NFXL1: variants seen among roughly 807,000 people sequenced by gnomAD.
NFXL1 encodes the protein NF-X1-type zinc finger protein NFXL1.
NFXL1 carries 66 observed loss-of-function variants against 123.3 expected under a neutral mutation model. That is an observed-to-expected ratio of 0.54 (90% confidence interval 0.44 to 0.66). The LOEUF (loss-of-function observed/expected upper bound fraction) is 0.66. NFXL1 is among the 30% of genes least tolerant of loss of function. The pLI, the probability that NFXL1 is intolerant of heterozygous loss-of-function variation, is 0.00. For missense variants in NFXL1, 944 were observed against 1,125.6 expected (o/e 0.84, Z 2.31); for synonymous variants, 346 against 360.8 (o/e 0.96, Z 0.46).
intron 12 of NFXL1, among the ~76,000 whole-genome samples, chr4:47,889,594 C>T (rs1168446214): frequency 6.6e-6 from 1 of 152,136 alleles, no homozygotes; most frequent in Non-Finnish European, 1.5e-5. Context: ...GTAGTTTGTT[C>T]TAGGTATTAA....
At chr4:47,852,634 T>G (rs1734187557) in intron 20 of NFXL1, among the ~76,000 whole-genome samples, 1 of 152,092 alleles carries the variant, frequency 6.6e-6, no homozygotes, top group African/African-American at 2.4e-5. Context: ...AACACTGATC[T>G]ACTGTTTTTG....
chr4:47,850,693 T>C (rs1734068299), intron 22 of NFXL1, among the ~76,000 whole-genome samples: 1 of 152,102 alleles, frequency 6.6e-6, no homozygotes, highest in African/African-American at 2.4e-5. Flanking sequence ...TTATTTGTTA[T>C]AGGTGGTCTG....
chr4:47,898,622 A>G (rs1332488454), intron 8 of NFXL1, 135 bp downstream of exon 8: 1 of 605,230 alleles, frequency 1.7e-6, no homozygotes, highest in Non-Finnish European at 3.0e-6. Flanking sequence ...TTCTTAAAAC[A>G]TGATATAATT....
intron 5 of NFXL1, among the ~76,000 whole-genome samples, chr4:47,902,930 G>T (rs75279508): frequency 6.6e-6 from 1 of 152,146 alleles, no homozygotes; most frequent in East Asian, 1.9e-4. Flanking sequence ...TTTTGGGGTG[G>T]GTCACCTGAG....
Position 47,910,993 on chromosome 4 carries a change from C to T in NFXL1, c.237G>A (p.Glu79=), listed in dbSNP as rs1268005553. 6.4e-7 allele frequency: 1 copy of T among 1,557,442 alleles called. No homozygotes were observed. The change falls in exon 3 of 23, where the codon GAG becomes GAA. Residue 79 remains glutamate, a splice_region_variant and synonymous_variant. Coordinates refer to ENST00000507489, the MANE Select transcript of NFXL1 (RefSeq NM_001278624.2). ...SQALQTTAAS[E]LMSQKKFEEI... is the part of the protein sequence containing the mutation. ...CTTCAAATTTTTTCTGAGACATTAG[C>T]TCTGTTTAAAAGAAAAAAGTTTCAT...
At chr4:47,895,802 A>C (rs573188455) in intron 10 of NFXL1, among the ~76,000 whole-genome samples, 1 of 152,332 alleles carries the variant, frequency 6.6e-6, no homozygotes, top group East Asian at 1.9e-4. Flanking sequence ...TTGCATTCAC[A>C]ACATGGCTAA....
At chr4:47,864,542 A>G (rs1734945015) in intron 18 of NFXL1, among the ~76,000 whole-genome samples, 1 of 152,158 alleles carries the variant, frequency 6.6e-6, no homozygotes, top group South Asian at 2.1e-4. Context: ...AAGAACTGAA[A>G]CAGGCCTTGT....
At position 47,860,203 on chromosome 4, in the gene NFXL1, T is replaced by C. The variant is rs983417866; in HGVS notation, c.2316+2643A>G. 3.3e-5 allele frequency among the ~76,000 whole-genome samples: 5 copies of C among 152,292 alleles called. No homozygotes were observed. In the East Asian group the frequency reaches 9.6e-4, roughly 29 times the overall value. On this transcript the variant is annotated intron_variant, in intron 19 of 22. Coordinates refer to ENST00000507489, the MANE Select transcript of NFXL1 (RefSeq NM_001278624.2). ...CACAATGTATACATATTTCAAAACA[T>C]GTTGCCTATGGTAAATATACAAAAT...
At chr4:47,864,543 C>CA (rs1195547728) in intron 18 of NFXL1, among the ~76,000 whole-genome samples, 1 of 152,144 alleles carries the variant, frequency 6.6e-6, no homozygotes, top group African/African-American at 2.4e-5. Flanking sequence ...AGAACTGAAA[C>CA]AGGCCTTGTT....
chr4:47,894,490 G>A (rs1736961644), intron 10 of NFXL1, among the ~76,000 whole-genome samples, 188 bp from the exon 11 acceptor site: 1 of 150,998 alleles, frequency 6.6e-6, no homozygotes, highest in African/African-American at 2.4e-5. Flanking sequence ...TTCCAAAAAG[G>A]ACTTCATATA....
At chr4:47,855,028 A>G (rs1283263301) in intron 20 of NFXL1, 31 bp downstream of exon 20, 1 of 1,005,922 alleles carries the variant, frequency 9.9e-7, no homozygotes. Flanking sequence ...ACTTATATAG[A>G]AAAGTATTTT....
chr4:47,883,765 C>G (rs1736254895), intron 15 of NFXL1, among the ~76,000 whole-genome samples: 1 of 152,178 alleles, frequency 6.6e-6, no homozygotes, highest in South Asian at 2.1e-4. Flanking sequence ...TAGACAACAG[C>G]CCCTTTTCTA....
chr4:47,877,152 G>A (rs192039448), intron 17 of NFXL1: 3 of 490,442 alleles, frequency 6.1e-6, no homozygotes, highest in African/African-American at 3.9e-5. Flanking sequence ...CTCTCCTGTT[G>A]CAGAATCATG....
At chr4:47,898,474 G>A (rs1029963199) in intron 8 of NFXL1, among the ~76,000 whole-genome samples, 1 of 152,110 alleles carries the variant, frequency 6.6e-6, no homozygotes, top group African/African-American at 2.4e-5. Flanking sequence ...TGGTTGAAGA[G>A]AGGGGAAAGA....
In NFXL1 at chr4:47,894,198, C is replaced by A; in HGVS notation, c.1434G>T (p.Lys478Asn). 1 of 1,603,404 alleles carries A rather than the reference C, an allele frequency of 6.2e-7. No individual in the cohort carries two copies. The highest frequency in any genetic ancestry group is 8.5e-7 in the Non-Finnish European group (1 of 1,174,722). Reference protein sequence around the residue: ...TKCVKMRDCQKHQCRRKCCPG... With the variant: ...TKCVKMRDCQNHQCRRKCCPG... ...CACAAACCTTTCTTCTACATTGATG[C>A]TTCTGACAGTCACGCATCTTAACAC... Residue 478 changes from lysine (K) to asparagine (N), a missense_variant, in exon 11 of 23, where the codon AAG (lysine) becomes AAT (asparagine). Physicochemically the swap from Lys to Asn is moderately conservative, Grantham distance 94. This residue lies in a region of NFXL1 where 296 missense variants were observed against 395.1 expected (regional missense o/e 0.75). Coordinates refer to ENST00000507489, the MANE Select transcript of NFXL1 (RefSeq NM_001278624.2).
At chr4:47,859,421 GGTATTATTAGTGCCCCATTTTATATA>G (rs1425004070) in intron 19 of NFXL1, among the ~76,000 whole-genome samples, 1 of 152,038 alleles carries the variant, frequency 6.6e-6, no homozygotes, top group African/African-American at 2.4e-5. Context: ...CTCTGAAGTG[GGTATTATTAGTGCCCCATTTTATATA>G]TGAATAAGTT....
chr4:47,851,876 T>C lies in NFXL1; in HGVS notation c.2488A>G (p.Met830Val). 1.9e-6 allele frequency: 3 copies of C among 1,608,618 alleles called. No individual in the cohort carries two copies. The highest frequency in any genetic ancestry group is 1.7e-4 in the Middle Eastern group (1 of 6,046). ...ATTACCTCAGATGCTTTCCGCTTCA[T>C]TTCCTTGCACGTTGTGTCACATTCT... ...SIECDTTCKE[M>V]KRKASEIKEA... is the part of the protein sequence containing the mutation. The change falls in exon 21 of 23, where the codon ATG (methionine) becomes GTG (valine). Residue 830 changes from methionine to valine, a missense_variant. Met to Val is a conservative substitution (Grantham distance 21). Transcript: ENST00000507489.
At chr4:47,872,801 G>A (rs540849695) in intron 18 of NFXL1, among the ~76,000 whole-genome samples, 2 of 152,232 alleles carry the variant, frequency 1.3e-5, no homozygotes, top group African/African-American at 4.8e-5. Flanking sequence ...TGACTGATCA[G>A]GGTGGTGGCT....
chr4:47,911,060 AAT>A, intron 2 of NFXL1, 66 bp from the exon 3 acceptor site: 1 of 901,660 alleles, frequency 1.1e-6, no homozygotes, highest in Admixed American at 3.3e-5. Flanking sequence ...ATAATGTGCT[AAT>A]ATATCATTTT....
Sources: gnomAD v4.1 joint callset for allele counts (sites outside exome capture counted in the v4.1 genomes callset) on GRCh38, gnomAD v4.1.1 for gene constraint, gnomAD v4.1.1 regional missense constraint, MANE v1.5 for transcripts, NCBI Gene and HGNC (gene_info 2026-07-23, HGNC 2026-07-21) for gene names.